Variants in PALLD observed in about 807,000 individuals in gnomAD.
PALLD encodes the protein palladin.
PALLD carries 61 observed loss-of-function variants against 123.5 expected under a neutral mutation model. The ratio of observed to expected loss-of-function variants is 0.49; its 90% CI spans 0.40 to 0.61. PALLD has a LOEUF of 0.61. PALLD is among the 20% of genes least tolerant of loss of function. PALLD has a pLI of 0.00. For synonymous variants in PALLD, 465 were observed against 496.4 expected (o/e 0.94, Z 0.84); for missense variants, 1,273 against 1,377.0 (o/e 0.92, Z 1.20).
intron 3 of PALLD, among the ~76,000 whole-genome samples, chr4:168,678,862 G>A (rs928691466): frequency 2.7e-5 from 4 of 147,992 alleles, no homozygotes; most frequent in South Asian, 2.2e-4. Flanking sequence ...GTGGTGTGTC[G>A]TGTGGGTGTG....
chr4:168,630,434 A>T (rs971871921), intron 2 of PALLD, among the ~76,000 whole-genome samples: 7 of 152,244 alleles, frequency 4.6e-5, no homozygotes, highest in Non-Finnish European at 1.0e-4. Flanking sequence ...CGGAAAATTT[A>T]ATAAGGAAGA....
intron 3 of PALLD, among the ~76,000 whole-genome samples, chr4:168,679,927 A>G (rs1194546035): frequency 1.3e-5 from 2 of 152,092 alleles, no homozygotes; most frequent in African/African-American, 2.4e-5. Flanking sequence ...GTAGACACAG[A>G]AATAAATAGG....
At chr4:168,732,080 A>G (rs777747216) in intron 10 of PALLD, among the ~76,000 whole-genome samples, 31 of 152,212 alleles carry the variant, frequency 2.0e-4, no homozygotes, top group African/African-American at 2.4e-4. Context: ...TTAACAACCA[A>G]TGGAGATATC....
In PALLD at chr4:168,563,279, C is replaced by T. The variant is rs77609648; in HGVS notation, c.908+50867C>T. ...CAGTTGTACGTAAGAATCTGGAGCTCGGGGGAAAGGGATCAGAAGTGGCTT... is the reference window on the plus strand; with the variant it reads ...CAGTTGTACGTAAGAATCTGGAGCTTGGGGGAAAGGGATCAGAAGTGGCTT... On this transcript the variant is annotated intron_variant, in intron 2 of 21. Coordinates refer to ENST00000505667, the MANE Select transcript of PALLD (RefSeq NM_001166108.2). Among the ~76,000 whole-genome samples, 868 of 152,124 alleles carry T rather than the reference C, an allele frequency of 5.7e-3. 15 individuals are homozygous for T. Among genetic ancestry groups the T allele is most frequent in the African/African-American group, 0.02 (836 of 41,498 alleles).
At chr4:168,915,029 CTTG>C (rs1189949097) in intron 16 of PALLD, among the ~76,000 whole-genome samples, 2 of 152,216 alleles carry the variant, frequency 1.3e-5, no homozygotes, top group Non-Finnish European at 2.9e-5. Context: ...CTTTGCTTCT[CTTG>C]TTGTCTGCAA....
chr4:168,593,019 T>TA (rs56352629), intron 2 of PALLD, among the ~76,000 whole-genome samples: 14,805 of 148,242 alleles, frequency 0.1, 756 homozygotes, highest in Admixed American at 0.13. Context: ...CCTCTTCCTT[T>TA]AAAAAAAAAA....
chr4:168,705,809 T>G (rs994540487), intron 8 of PALLD, among the ~76,000 whole-genome samples: 2 of 151,916 alleles, frequency 1.3e-5, no homozygotes, highest in African/African-American at 2.4e-5. Flanking sequence ...GCTAATTTTT[T>G]TGTGTGTGTT....
At chr4:168,509,843 C>CTGT (rs1482499529) in intron 1 of PALLD, among the ~76,000 whole-genome samples, 1 of 152,196 alleles carries the variant, frequency 6.6e-6, no homozygotes, top group Non-Finnish European at 1.5e-5. Flanking sequence ...TAACTACCCT[C>CTGT]TGTTAAACAG....
chr4:168,564,955 G>T (rs576155899), intron 2 of PALLD, among the ~76,000 whole-genome samples: 1 of 151,430 alleles, frequency 6.6e-6, no homozygotes, highest in African/African-American at 2.4e-5. Flanking sequence ...ACTTTGGGAG[G>T]CCAAGGCAGG....
chr4:168,746,016 C>G (rs1186188121), intron 10 of PALLD, among the ~76,000 whole-genome samples: 1 of 152,096 alleles, frequency 6.6e-6, no homozygotes, highest in South Asian at 2.1e-4. Flanking sequence ...ACACAAAGGT[C>G]GGGAAATCAT....
In PALLD at chr4:168,904,877, A is replaced by G. The variant is rs74431237; in HGVS notation, c.2622+971A>G. ...TGCAGTGGCTCACATCTGTAGTCCC[A>G]GCACTTTGGGAGGCTGAGGCAGGTG... On this transcript the variant is annotated intron_variant, in intron 15 of 21. Transcript: ENST00000505667. Among the ~76,000 whole-genome samples, 242 of 152,238 alleles carry G rather than the reference A, an allele frequency of 1.6e-3. 3 individuals are homozygous for G. In the East Asian group the frequency reaches 0.042, roughly 26 times the overall value.
chr4:168,632,031 C>G (rs981217575), intron 2 of PALLD: 1 of 450,034 alleles, frequency 2.2e-6, no homozygotes, highest in African/African-American at 2.2e-5. Flanking sequence ...CTCAGAATAC[C>G]GTGTTCCGCC....
At chr4:168,807,277 GCA>G (rs72123198) in intron 10 of PALLD, among the ~76,000 whole-genome samples, 8,488 of 144,098 alleles carry the variant, frequency 0.059, 585 homozygotes, top group East Asian at 0.22. Flanking sequence ...ACACACACAC[GCA>G]CACACACACA....
chr4:168,542,717 C>CGTATATAT (rs1765745483), intron 2 of PALLD, among the ~76,000 whole-genome samples: 3 of 88,928 alleles, frequency 3.4e-5, no homozygotes, highest in Non-Finnish European at 2.2e-5. Context: ...CTAACCTTTC[C>CGTATATAT]ATATATATAT....
At chr4:168,609,899 A>C (rs2149759798) in intron 2 of PALLD, among the ~76,000 whole-genome samples, 1 of 152,278 alleles carries the variant, frequency 6.6e-6, no homozygotes, top group African/African-American at 2.4e-5. Context: ...CACAATGCTT[A>C]GTTTCCTTTT....
intron 10 of PALLD, among the ~76,000 whole-genome samples, chr4:168,792,515 C>T (rs766161635): frequency 6.6e-6 from 1 of 151,914 alleles, no homozygotes; most frequent in African/African-American, 2.4e-5. Flanking sequence ...CCTTAAGGTG[C>T]ACCTGAGTCC....
At chr4:168,594,470 A>G (rs545988825) in intron 2 of PALLD, among the ~76,000 whole-genome samples, 1 of 152,266 alleles carries the variant, frequency 6.6e-6, no homozygotes, top group East Asian at 1.9e-4. Flanking sequence ...CTAATACTTA[A>G]CAAATCAAAT....
At chr4:168,774,298 AT>A (rs948089652) in intron 10 of PALLD, among the ~76,000 whole-genome samples, 3 of 152,046 alleles carry the variant, frequency 2.0e-5, no homozygotes, top group Non-Finnish European at 2.9e-5. Context: ...ATCCTTGTGG[AT>A]TTTTTTCATT....
intron 3 of PALLD, among the ~76,000 whole-genome samples, chr4:168,673,000 C>A (rs971337682): frequency 6.6e-6 from 1 of 152,154 alleles, no homozygotes; most frequent in Non-Finnish European, 1.5e-5. Context: ...CTCATCATCA[C>A]TGGGGCAGCT....
Sources: allele counts gnomAD v4.1 joint callset (sites outside exome capture counted in the v4.1 genomes callset), GRCh38; gene constraint gnomAD v4.1.1; transcripts MANE v1.5; gene names NCBI Gene and HGNC (gene_info 2026-07-23, HGNC 2026-07-21).